The following WNK1 variants were observed in gnomAD, a reference collection of about 807,000 sequenced individuals.
WNK1 encodes the protein WNK lysine deficient protein kinase 1, also known as serine/threonine-protein kinase WNK1.
Under a neutral mutation model 222.8 loss-of-function variants are expected in WNK1, and 38 were observed. The ratio of observed to expected loss-of-function variants is 0.17; its 90% confidence interval spans 0.13 to 0.22. WNK1 has a LOEUF of 0.22. Among genes scored for constraint, WNK1 ranks in the 10% least tolerant of loss-of-function variants. WNK1 has a pLI of 1.00. For missense variants in WNK1, 2,348 were observed against 2,918.4 expected, an observed-to-expected ratio of 0.80 and a Z score of 4.50; for synonymous variants, 1,090 against 1,092.9, an observed-to-expected ratio of 1.00 and a Z score of 0.05.
intron 2 of WNK1, among the ~76,000 whole-genome samples, chr12:821,042 GTTTTTTTTTT>G (rs60880879): frequency 6.3e-5 from 5 of 79,110 alleles, no homozygotes; most frequent in South Asian, 8.6e-4. Context: ...AGTTTCTTGA[GTTTTTTTTTT>G]TTTTTTTTTT....
chr12:857,359 C>A, intron 5 of WNK1, 110 bp downstream of exon 5: 1 of 1,005,712 alleles, frequency 9.9e-7, no homozygotes, highest in East Asian at 2.6e-5. Flanking sequence ...ATTGGTTTCT[C>A]TATTTGTGCC....
At chr12:777,158 G>GTTTTTTTTTTTTT (rs560869282) in intron 1 of WNK1, among the ~76,000 whole-genome samples, 6 of 131,164 alleles carry the variant, frequency 4.6e-5, no homozygotes, top group African/African-American at 5.5e-5. Flanking sequence ...GATTTTTTTT[G>GTTTTTTTTTTTTT]TTTTTTTTTT....
intron 1 of WNK1, among the ~76,000 whole-genome samples, chr12:795,296 GT>G (rs35447912): frequency 0.48 from 64,297 of 132,876 alleles, 14,631 homozygotes; most frequent in East Asian, 0.77. Flanking sequence ...ATTTTCCGTT[GT>G]TTTTTTTTTT....
At chr12:897,755 T>C (rs1592234592) in intron 25 of WNK1, 74 bp downstream of exon 25, 2 of 1,473,298 alleles carry the variant, frequency 1.4e-6, no homozygotes, top group Non-Finnish European at 1.9e-6. Flanking sequence ...TGTGACCTGC[T>C]GAACATTTGT....
At chr12:798,389 T>G (rs1450498771) in intron 1 of WNK1, among the ~76,000 whole-genome samples, 1 of 152,178 alleles carries the variant, frequency 6.6e-6, no homozygotes, top group Non-Finnish European at 1.5e-5. Flanking sequence ...AGACGGAGTT[T>G]CACTGTGTTA....
chr12:754,016 C>G lies in WNK1; in HGVS notation c.451C>G (p.Pro151Ala). Reference sequence around the variant, plus strand: ...CCCTGGGGAACAGGCCGTCGCGGGCCCTGCCCCCTCGACTGTCCCCAGCAG... The same window carrying G: ...CCCTGGGGAACAGGCCGTCGCGGGCGCTGCCCCCTCGACTGTCCCCAGCAG... ...AAPGEQAVAG[P>A]APSTVPSSTS... Residue 151 changes from proline (P) to alanine (A), a missense_variant, in exon 1 of 28, where the codon CCT (proline) becomes GCT (alanine). By Grantham distance (27) the Pro-to-Ala change is conservative. Around this residue, in one of 13 missense-constraint regions of WNK1, gnomAD observed 185 missense variants for 159.2 expected, o/e 1.16. Coordinates refer to ENST00000315939, the MANE Select transcript of WNK1 (RefSeq NM_018979.4). The G allele has an allele frequency of 6.3e-7, 1 of 1,586,934 alleles. No homozygotes were observed. Among genetic ancestry groups the G allele is most frequent in the Non-Finnish European group, 8.6e-7 (1 of 1,167,074 alleles).
chr12:861,346 A>G lies in WNK1; in HGVS notation c.1951+3A>G, dbSNP rs1015822441. On this transcript the variant is annotated splice_donor_region_variant and intron_variant, in intron 7 of 27. Transcript: ENST00000315939. ...GCAACCCAGTATATCTGTGTTATGTACGTATCTTGGGAAGTGGACAGATAG... is the reference window on the plus strand; with the variant it reads ...GCAACCCAGTATATCTGTGTTATGTGCGTATCTTGGGAAGTGGACAGATAG... 1 of 1,613,904 alleles carries G rather than the reference A, an allele frequency of 6.2e-7. No individual in the cohort carries two copies. Among genetic ancestry groups the G allele is most frequent in the Admixed American group, 1.7e-5 (1 of 60,014 alleles).
rs1953529584 is a variant in WNK1 at position 885,062 on chromosome 12, G to T, written c.4258G>T (p.Ala1420Ser). 1 of 1,614,150 alleles carries T rather than the reference G, an allele frequency of 6.2e-7. No homozygotes were observed. The highest frequency in any genetic ancestry group is 8.5e-7 in the Non-Finnish European group (1 of 1,180,038). ...CGTAGTTTCAAGTATCACAATACCTGCAGTTGTCTCAATATCTACTACATC... is the reference window on the plus strand; with the variant it reads ...CGTAGTTTCAAGTATCACAATACCTTCAGTTGTCTCAATATCTACTACATC... ...SSVVSSITIP[A>S]VVSISTTSPS... Residue 1420 changes from alanine (A) to serine (S), a missense_variant, in exon 19 of 28, where the codon GCA becomes TCA. By Grantham distance (99) the Ala-to-Ser change is moderately conservative. Transcript: ENST00000315939.
In WNK1 at chr12:782,141, G is replaced by C. The variant is rs547819405; in HGVS notation, c.759+27817G>C. On this transcript the variant is annotated intron_variant, in intron 1 of 27. Coordinates refer to ENST00000315939, the MANE Select transcript of WNK1 (RefSeq NM_018979.4). ...TAATTTTAAATCATTGTCATCGACT[G>C]ACTTTGGAAAGTAACTTCTGAGATT... Among the ~76,000 whole-genome samples, 15 of 152,292 alleles carry C rather than the reference G, an allele frequency of 9.8e-5. No individual in the cohort carries two copies. The South Asian group carries it at 3.1e-3, about 32-fold the overall frequency.
intron 1 of WNK1, among the ~76,000 whole-genome samples, chr12:756,794 T>A (rs1940107116): frequency 6.6e-6 from 1 of 152,228 alleles, no homozygotes; most frequent in Non-Finnish European, 1.5e-5. Flanking sequence ...TAGAAACTTT[T>A]TCGCTAAATC....
At position 908,643 on chromosome 12, in the gene WNK1, G is replaced by A. The variant is rs770326362; in HGVS notation, c.7000G>A (p.Gly2334Ser). 35 of 1,614,084 alleles carry A rather than the reference G, an allele frequency of 2.2e-5. No homozygotes were observed. The highest frequency in any genetic ancestry group is 4.0e-5 in the African/African-American group (3 of 74,926). Residue 2334 changes from glycine to serine, a missense_variant, in exon 28 of 28, where the codon GGC becomes AGC. By Grantham distance (56) the Gly-to-Ser change is moderately conservative. Transcript: ENST00000315939. ...GTATGGCTTTCCAGCTACCCCATTT[G>A]GCGCTCAATGGAGTGGGACGGGTGG... The part of the protein sequence containing the change: ...QQYGFPATPF[G>S]AQWSGTGGPA...
chr12:857,758 T>C (rs1376153315), intron 5 of WNK1, among the ~76,000 whole-genome samples: 1 of 152,206 alleles, frequency 6.6e-6, no homozygotes, highest in African/African-American at 2.4e-5. Flanking sequence ...TGTGGCTTAG[T>C]CATTTGTACT....
chr12:784,429 T>A (rs940789162), intron 1 of WNK1, among the ~76,000 whole-genome samples: 2 of 152,214 alleles, frequency 1.3e-5, no homozygotes, highest in Middle Eastern at 3.2e-3. Context: ...TACAGTTTTT[T>A]AATTTTTGCC....
At chr12:844,055 A>C (rs2154046916) in intron 4 of WNK1, among the ~76,000 whole-genome samples, 1 of 152,308 alleles carries the variant, frequency 6.6e-6, no homozygotes, top group East Asian at 1.9e-4. Flanking sequence ...CTTAAAAATT[A>C]TATTATTATA....
rs1163913710 is a variant in WNK1, at chr12:836,066, A to G, written c.1311+5906A>G. On this transcript the variant is annotated intron_variant, in intron 4 of 27. Transcript: ENST00000315939. ...TTATTGTTACAGCACAGCAAATTCA[A>G]TCATTTCTTTTTGCCCGAAATGTAT... is the stretch of plus-strand genomic sequence containing the variant. Among the ~76,000 whole-genome samples the G allele has an allele frequency of 3.9e-5, 6 of 152,208 alleles. No homozygotes were observed. In the South Asian group the frequency reaches 1.2e-3, roughly 32 times the overall value.
At chr12:877,132 C>T (rs939631601) in intron 9 of WNK1, among the ~76,000 whole-genome samples, 3 of 141,316 alleles carry the variant, frequency 2.1e-5, no homozygotes, top group Non-Finnish European at 3.0e-5. Context: ...GGTGCAATCT[C>T]GGCTCACTGC....
Position 886,010 on chromosome 12 carries a change from A to G in WNK1, c.5206A>G (p.Thr1736Ala), listed in dbSNP as rs557900010. ...AGTGGTCACACCTGGGCAAGTTTCTACCCCAGTCAGCACTACTACATCAGG... is the reference window on the plus strand; with the variant it reads ...AGTGGTCACACCTGGGCAAGTTTCTGCCCCAGTCAGCACTACTACATCAGG... ...TPVVTPGQVS[T>A]PVSTTTSGVK... The change falls in exon 19 of 28, where the codon ACC (threonine) becomes GCC (alanine). Residue 1736 changes from threonine to alanine, a missense_variant. By Grantham distance (58) the Thr-to-Ala change is moderately conservative (BLOSUM62 0). Around this residue, in one of 13 missense-constraint regions of WNK1, gnomAD observed 1,144 missense variants for 1,273.6 expected, o/e 0.90. Coordinates refer to ENST00000315939, the MANE Select transcript of WNK1 (RefSeq NM_018979.4). The G allele has an allele frequency of 1.3e-6, 2 of 1,593,010 alleles. No individual in the cohort carries two copies. Among genetic ancestry groups the G allele is most frequent in the African/African-American group, 2.7e-5 (2 of 73,868 alleles).
At chr12:894,498 A>G in intron 22 of WNK1, 64 bp from the exon 23 acceptor site, 2 of 1,402,768 alleles carry the variant, frequency 1.4e-6, no homozygotes, top group East Asian at 4.6e-5. Flanking sequence ...ATTTCTAGCT[A>G]AAGGGAAAAG....
intron 10 of WNK1, 58 bp from the exon 11 acceptor site, chr12:879,515 T>TTTTTTTTTTTTTTTTTTTTTTTTTTTTTG: frequency 6.9e-6 from 1 of 144,642 alleles, no homozygotes; most frequent in Non-Finnish European, 1.1e-5. Context: ...CAGCCTTGCT[T>TTTTTTTTTTTTTTTTTTTTTTTTTTTTTG]TTTTTTTTTT....
Sources: allele counts gnomAD v4.1 joint callset (sites outside exome capture counted in the v4.1 genomes callset), GRCh38; gene constraint gnomAD v4.1.1; regional missense constraint gnomAD v4.1.1; transcripts MANE v1.5; gene names NCBI Gene and HGNC (gene_info 2026-07-23, HGNC 2026-07-21).